Variants in POU2F1 observed in about 807,000 individuals in gnomAD.
The protein encoded by POU2F1 is POU class 2 homeobox 1.
In POU2F1, 16 loss-of-function variants were observed where a neutral mutation model predicts 84.9. That is an observed-to-expected ratio of 0.19 (90% CI 0.13 to 0.29). The LOEUF (loss-of-function observed/expected upper bound fraction) is 0.29. POU2F1 is among the 10% of genes least tolerant of loss of function. POU2F1 has a pLI of 1.00. For missense variants in POU2F1, 738 were observed against 942.6 expected, an observed-to-expected ratio of 0.78 and a Z score of 2.84; for synonymous variants, 368 against 368.3, an observed-to-expected ratio of 1.00 and a Z score of 0.01.
At chr1:167,400,273 G>A (rs1037853358) in intron 12 of POU2F1, among the ~76,000 whole-genome samples, 2 of 152,024 alleles carry the variant, frequency 1.3e-5, no homozygotes, top group Admixed American at 6.5e-5. Context: ...TGGGATTACA[G>A]GTGTGAGCCA....
At chr1:167,363,597 G>A (rs1659482316) in intron 2 of POU2F1, among the ~76,000 whole-genome samples, 2 of 152,232 alleles carry the variant, frequency 1.3e-5, no homozygotes, top group South Asian at 4.2e-4. Context: ...AAAAAATAAA[G>A]GAGGTGATTC....
intron 8 of POU2F1, among the ~76,000 whole-genome samples, chr1:167,385,595 CA>C (rs1327840037): frequency 6.6e-6 from 1 of 151,402 alleles, no homozygotes; most frequent in Non-Finnish European, 1.5e-5. Context: ...GCAGCTGAAA[CA>C]ATAGGGAAAA....
At position 167,419,708 on chromosome 1, in the gene POU2F1, T is replaced by C. The variant is rs183595881; in HGVS notation, c.*3898T>C. On this transcript the variant is annotated 3_prime_UTR_variant, in exon 16 of 16. Transcript: ENST00000367866. Reference sequence around the variant, plus strand: ...AATTGTGTATATCCATTAACTGATATAATTCACATGTCCTTTTATTTGTTA... The same window carrying C: ...AATTGTGTATATCCATTAACTGATACAATTCACATGTCCTTTTATTTGTTA... 75 of 152,362 alleles carry C rather than the reference T, an allele frequency of 4.9e-4. No individual in the cohort carries two copies. The highest frequency in any genetic ancestry group is 1.7e-3 in the African/African-American group (72 of 41,580). 9.4% of individuals were successfully genotyped at this position (152,362 alleles called of 1,614,324 possible).
intron 1 of POU2F1, among the ~76,000 whole-genome samples, chr1:167,225,551 A>G (rs1648567850): frequency 6.6e-6 from 1 of 152,240 alleles, no homozygotes; most frequent in Non-Finnish European, 1.5e-5. Context: ...TCAAAATGTT[A>G]CGTTGCTCTT....
chr1:167,341,812 A>G (rs1368221167), intron 2 of POU2F1, among the ~76,000 whole-genome samples: 1 of 152,118 alleles, frequency 6.6e-6, no homozygotes, highest in African/African-American at 2.4e-5. Flanking sequence ...TCACACATGG[A>G]CTTGAAGGAT....
chr1:167,320,689 T>A (rs1489360822), intron 1 of POU2F1, among the ~76,000 whole-genome samples: 1 of 152,204 alleles, frequency 6.6e-6, no homozygotes, highest in Non-Finnish European at 1.5e-5. Flanking sequence ...TACAAGATGT[T>A]GCTCTTGAAC....
intron 1 of POU2F1, among the ~76,000 whole-genome samples, chr1:167,228,771 C>G (rs1044089541): frequency 6.6e-6 from 1 of 152,106 alleles, no homozygotes; most frequent in Non-Finnish European, 1.5e-5. Flanking sequence ...CTCTTTTTAT[C>G]TTGTTTTATG....
chr1:167,403,456 T>C (rs1048506817), intron 13 of POU2F1, among the ~76,000 whole-genome samples: 3 of 152,348 alleles, frequency 2.0e-5, no homozygotes, highest in African/African-American at 7.2e-5. Context: ...CAGTGTCAAG[T>C]GGGTTTTCTT....
chr1:167,230,142 C>A (rs1342606241), intron 1 of POU2F1, among the ~76,000 whole-genome samples: 1 of 152,196 alleles, frequency 6.6e-6, no homozygotes, highest in Admixed American at 6.5e-5. Flanking sequence ...ACCATCCTTG[C>A]AACACCAATC....
intron 1 of POU2F1, among the ~76,000 whole-genome samples, chr1:167,234,808 T>C (rs1649333635): frequency 6.6e-6 from 1 of 152,206 alleles, no homozygotes; most frequent in Admixed American, 6.5e-5. Flanking sequence ...GGAGCAGCAT[T>C]TATATTTTTT....
At chr1:167,271,026 C>G (rs774787866) in intron 1 of POU2F1, among the ~76,000 whole-genome samples, 4 of 152,186 alleles carry the variant, frequency 2.6e-5, no homozygotes, top group African/African-American at 4.8e-5. Flanking sequence ...CTTTCCAAGC[C>G]AGTGTTAACA....
At chr1:167,270,345 A>C (rs1175371535) in intron 1 of POU2F1, among the ~76,000 whole-genome samples, 1 of 151,958 alleles carries the variant, frequency 6.6e-6, no homozygotes, top group African/African-American at 2.4e-5. Flanking sequence ...ATGGACCCTG[A>C]ATATTGCTTT....
chr1:167,399,714 C>T (rs1443998309), intron 12 of POU2F1, among the ~76,000 whole-genome samples: 2 of 152,104 alleles, frequency 1.3e-5, no homozygotes, highest in African/African-American at 4.8e-5. Flanking sequence ...CATTCCATCA[C>T]CCAGGCTGGA....
chr1:167,339,320 T>C (rs752503066), intron 2 of POU2F1, among the ~76,000 whole-genome samples: 1 of 152,182 alleles, frequency 6.6e-6, no homozygotes, highest in Non-Finnish European at 1.5e-5. Flanking sequence ...AATTCACAGC[T>C]TCCAGGAATT....
intron 1 of POU2F1, among the ~76,000 whole-genome samples, chr1:167,275,383 CTT>C (rs35741345): frequency 6.9e-6 from 1 of 145,718 alleles, no homozygotes; most frequent in African/African-American, 2.5e-5. Flanking sequence ...TTACAGAAGA[CTT>C]TTTTTTTTTG....
At chr1:167,341,392 T>A (rs1221689491) in intron 2 of POU2F1, among the ~76,000 whole-genome samples, 1 of 152,244 alleles carries the variant, frequency 6.6e-6, no homozygotes, top group Non-Finnish European at 1.5e-5. Context: ...GTAATGAATT[T>A]ACAGTCAATT....
rs1025941203 is a variant in POU2F1, at chr1:167,416,130, CA to C, written c.*325del. ...AAGAAACAAAAAAATCAAAAACAAA[CA>C]AAAATAAGTGAAAGGACTACTTATC... On this transcript the variant is annotated 3_prime_UTR_variant, in exon 16 of 16. Transcript: ENST00000367866. 2.2e-4 allele frequency: 84 copies of C among 383,092 alleles called. No individual in the cohort carries two copies. The highest frequency in any genetic ancestry group is 2.0e-3 in the African/African-American group (79 of 39,284). The allele number at this position is 383,092 out of a possible 1,614,324, so 23.7% of individuals were successfully genotyped here.
Position 167,416,065 on chromosome 1 carries a change from G to T in POU2F1, c.*255G>T. The T allele has an allele frequency of 5.4e-6, 3 of 559,142 alleles. No individual in the cohort carries two copies. Among genetic ancestry groups the T allele is most frequent in the South Asian group, 1.8e-5 (1 of 54,984 alleles). 34.6% of individuals were successfully genotyped at this position (559,142 alleles called of 1,614,324 possible). A position where few individuals can be genotyped will look rare whatever the true frequency, so the allele number is the denominator to read the frequency against. On this transcript the variant is annotated 3_prime_UTR_variant, in exon 16 of 16. Coordinates refer to ENST00000367866, the MANE Select transcript of POU2F1 (RefSeq NM_002697.4). Reference sequence around the variant, plus strand: ...TCTTTTCAGGATTGCTTCATGGATTGGAGAACTTTCTAACCAAAAATTAAA... The same window carrying T: ...TCTTTTCAGGATTGCTTCATGGATTTGAGAACTTTCTAACCAAAAATTAAA...
chr1:167,220,917 C>G lies in POU2F1; in HGVS notation c.20C>G (p.Ala7Gly), dbSNP rs1172353698. Residue 7 changes from alanine (A) to glycine (G), a missense_variant, in exon 1 of 16, where the codon GCG becomes GGG. Transcript: ENST00000367866. ...TTCAAAATGGCGGACGGAGGAGCAG[C>G]GAGTCAAGATGAGAGTTCAGCCGCG... MADGGA[A>G]SQDESSAAAA... 1 of 1,535,018 alleles carries G rather than the reference C, an allele frequency of 6.5e-7. No individual in the cohort carries two copies. The highest frequency in any genetic ancestry group is 8.7e-7 in the Non-Finnish European group (1 of 1,146,758).
Sources: allele counts gnomAD v4.1 joint callset (sites outside exome capture counted in the v4.1 genomes callset), GRCh38; gene constraint gnomAD v4.1.1; transcripts MANE v1.5; gene names NCBI Gene and HGNC (gene_info 2026-07-23, HGNC 2026-07-21).